The following SIGLEC14 variants were observed in gnomAD, a reference collection of about 807,000 sequenced individuals.
SIGLEC14 encodes the protein sialic acid binding Ig like lectin 14.
In SIGLEC14, 11 loss-of-function variants were observed where a neutral mutation model predicts 34.2. The ratio of observed to expected loss-of-function variants is 0.32; its 90% CI spans 0.20 to 0.53. The LOEUF is 0.53. Among genes scored for constraint, SIGLEC14 ranks in the 20% least tolerant of loss-of-function variants. The pLI is 0.95. For synonymous variants in SIGLEC14, 99 were observed against 179.7 expected, an observed-to-expected ratio of 0.55 and a Z score of 3.59; for missense variants, 264 against 439.0, an observed-to-expected ratio of 0.60 and a Z score of 3.56.
rs1184615510 is a variant in SIGLEC14, at chr19:51,643,083, C to T, written c.*272G>A. The stretch of plus-strand genomic sequence containing the variant: ...GTAATGGGTAATGGGGGTATAAGAC[C>T]GAAAGTACATTCCCTTCACAGGGCT... On this transcript the variant is annotated 3_prime_UTR_variant, in exon 7 of 7. Transcript: ENST00000360844. The T allele has an allele frequency of 1.6e-5, 6 of 366,440 alleles. No individual in the cohort carries two copies. The highest frequency in any genetic ancestry group is 2.8e-5 in the Non-Finnish European group (6 of 213,740). 22.7% of individuals were successfully genotyped at this position (366,440 alleles called of 1,614,324 possible). A position where few individuals can be genotyped will look rare whatever the true frequency, so the allele number is the denominator to read the frequency against.
In SIGLEC14 at chr19:51,640,975, C is replaced by CA. The variant is rs1024953690; in HGVS notation, c.*2379dup. ...GGGCAAAAAGAGCGAAACTCTGTCT[C>CA]AAAAAAAAATTTTTTTTAAGTTGAT... is the stretch of plus-strand genomic sequence containing the variant. On this transcript the variant is annotated 3_prime_UTR_variant, in exon 7 of 7. Transcript: ENST00000360844. Among the ~76,000 whole-genome samples the CA allele has an allele frequency of 3.6e-5, 5 of 137,482 alleles. 1 individual carries two copies. The highest frequency in any genetic ancestry group is 1.4e-4 in the African/African-American group (5 of 36,156). 90.2% of individuals were successfully genotyped at this position (137,482 alleles called of 152,430 possible). A position where few individuals can be genotyped will look rare whatever the true frequency, so the allele number is the denominator to read the frequency against.
chr19:51,643,963 A>T lies in SIGLEC14; in HGVS notation c.828T>A (p.Val276=). The T allele has an allele frequency of 6.5e-7, 1 of 1,533,554 alleles. No homozygotes were observed. Among genetic ancestry groups the T allele is most frequent in the Non-Finnish European group, 8.8e-7 (1 of 1,141,480 alleles). The allele number at this position is 1,533,554 out of a possible 1,614,324, so 95.0% of individuals were successfully genotyped here. The stretch of plus-strand genomic sequence containing the variant: ...TCAGTGAGGCAGGGGGGTTGCTGTC[A>T]ACTGTGCAGGCGAGGAACAGGGACT... ...EGQSLFLACT[V]DSNPPASLSW... The change falls in exon 5 of 7, where the codon GTT becomes GTA. Residue 276 remains valine, a synonymous_variant. Coordinates refer to ENST00000360844, the MANE Select transcript of SIGLEC14 (RefSeq NM_001098612.3).
Position 51,642,555 on chromosome 19 carries a change from A to G in SIGLEC14, c.*800T>C, listed in dbSNP as rs1568598134. The G allele has an allele frequency of 2.9e-5, 4 of 138,578 alleles. 1 individual carries two copies. The South Asian group carries it at 7.3e-4, about 25-fold the overall frequency. 8.6% of individuals were successfully genotyped at this position (138,578 alleles called of 1,614,324 possible). A position where few individuals can be genotyped will look rare whatever the true frequency, so the allele number is the denominator to read the frequency against. On this transcript the variant is annotated 3_prime_UTR_variant, in exon 7 of 7. Transcript: ENST00000360844. ...GTCTACAAACTCTCACAGAGGCATT[A>G]AAGAGTAAAATCAGTTATGTTGTAT...
rs1271421734 is a variant in SIGLEC14, at chr19:51,643,568, T to C, written c.1117A>G (p.Thr373Ala). 1.3e-6 allele frequency: 2 copies of C among 1,525,396 alleles called. No individual in the cohort carries two copies. Among genetic ancestry groups the C allele is most frequent in the Non-Finnish European group, 1.8e-6 (2 of 1,138,818 alleles). 94.5% of individuals were successfully genotyped at this position (1,525,396 alleles called of 1,614,324 possible). Residue 373 changes from threonine to alanine, a missense_variant, in exon 6 of 7, where the codon ACC (threonine) becomes GCC (alanine). Thr to Ala is a moderately conservative substitution (Grantham distance 58). Coordinates refer to ENST00000360844, the MANE Select transcript of SIGLEC14 (RefSeq NM_001098612.3). ...GALMGAGFLL[T>A]YGLTWIYYTR... ...TAGTAGATCCAGGTGAGGCCATAGG[T>C]GAGGAGGAAGCCAGCCCCCATGAGA...
At position 51,640,503 on chromosome 19, in the gene SIGLEC14, G is replaced by A. The variant is rs1983884552; in HGVS notation, c.*2852C>T. The stretch of plus-strand genomic sequence containing the variant: ...AGGGAAAAGGAACTCCAGCTTCTGA[G>A]TATAAATGCTTTCCATTTCAAATAT... On this transcript the variant is annotated 3_prime_UTR_variant, in exon 7 of 7. Transcript: ENST00000360844. Among the ~76,000 whole-genome samples, 1 of 139,208 alleles carries A rather than the reference G, an allele frequency of 7.2e-6. No homozygotes were observed. Among genetic ancestry groups the A allele is most frequent in the South Asian group, 2.4e-4 (1 of 4,138 alleles). The allele number at this position is 139,208 out of a possible 152,430, so 91.3% of individuals were successfully genotyped here. A position where few individuals can be genotyped will look rare whatever the true frequency, so the allele number is the denominator to read the frequency against.
chr19:51,643,488 G>GCCCCCCCCCCCCCCCC, intron 6 of SIGLEC14, 49 bp downstream of exon 6: 1 of 1,290,082 alleles, frequency 7.8e-7, no homozygotes, highest in Non-Finnish European at 1.0e-6. Flanking sequence ...GGACAGCTCA[G>GCCCCCCCCCCCCCCCC]CCCCACCTGG....
rs1221204531 is a variant in SIGLEC14 at position 51,640,999 on chromosome 19, A to G, written c.*2356T>C. ...TCAAAAAAAAATTTTTTTTAAGTTG[A>G]TTCTTTAAGAAGACATGAGAATTCT... On this transcript the variant is annotated 3_prime_UTR_variant, in exon 7 of 7. Coordinates refer to ENST00000360844, the MANE Select transcript of SIGLEC14 (RefSeq NM_001098612.3). Among the ~76,000 whole-genome samples the G allele has an allele frequency of 1.4e-5, 2 of 139,122 alleles. 1 individual carries two copies. The highest frequency in any genetic ancestry group is 1.4e-4 in the Admixed American group (2 of 14,436). The allele number at this position is 139,122 out of a possible 152,430, so 91.3% of individuals were successfully genotyped here.
rs1421991231 is a variant in SIGLEC14 at position 51,640,147 on chromosome 19, A to G, written c.*3208T>C. Among the ~76,000 whole-genome samples, 1 of 139,646 alleles carries G rather than the reference A, an allele frequency of 7.2e-6. No homozygotes were observed. The highest frequency in any genetic ancestry group is 1.5e-5 in the Non-Finnish European group (1 of 65,142). 91.6% of individuals were successfully genotyped at this position (139,646 alleles called of 152,430 possible). On this transcript the variant is annotated 3_prime_UTR_variant, in exon 7 of 7. Coordinates refer to ENST00000360844, the MANE Select transcript of SIGLEC14 (RefSeq NM_001098612.3). ...GTCGTGCTTTTATTATGAAGGAGTA[A>G]GCTCCTAGCAGAGTGAACTCACCAC...
Position 51,641,930 on chromosome 19 carries a change from T to C in SIGLEC14, c.*1425A>G, listed in dbSNP as rs1270080725. Among the ~76,000 whole-genome samples, 1 of 121,790 alleles carries C rather than the reference T, an allele frequency of 8.2e-6. No individual in the cohort carries two copies. The highest frequency in any genetic ancestry group is 1.6e-5 in the Non-Finnish European group (1 of 62,222). 79.9% of individuals were successfully genotyped at this position (121,790 alleles called of 152,430 possible). A position where few individuals can be genotyped will look rare whatever the true frequency, so the allele number is the denominator to read the frequency against. Reference sequence around the variant, plus strand: ...GTAACAAACCTGCACTTGTGCCCCCTGAACTTAAAAGTTAAAAAAAATCAT... The same window carrying C: ...GTAACAAACCTGCACTTGTGCCCCCCGAACTTAAAAGTTAAAAAAAATCAT... On this transcript the variant is annotated 3_prime_UTR_variant, in exon 7 of 7. Coordinates refer to ENST00000360844, the MANE Select transcript of SIGLEC14 (RefSeq NM_001098612.3).
At position 51,641,987 on chromosome 19, in the gene SIGLEC14, TA is replaced by T. The variant is rs398101261; in HGVS notation, c.*1367del. ...CATGTGTATTTATTAAAATGGAACT[TA>T]AAAAGAAAGTAGTAACAATTTGTTT... On this transcript the variant is annotated 3_prime_UTR_variant, in exon 7 of 7. Coordinates refer to ENST00000360844, the MANE Select transcript of SIGLEC14 (RefSeq NM_001098612.3). 2.9e-3 allele frequency among the ~76,000 whole-genome samples: 399 copies of T among 138,312 alleles called. 71 individuals carry two copies. Among genetic ancestry groups the T allele is most frequent in the African/African-American group, 0.01 (370 of 36,254 alleles). 90.7% of individuals were successfully genotyped at this position (138,312 alleles called of 152,430 possible).
At chr19:51,643,483 G>GGGGCCCCCCCCCCCC in intron 6 of SIGLEC14, 54 bp downstream of exon 6, 2 of 1,297,878 alleles carry the variant, frequency 1.5e-6, no homozygotes, top group Non-Finnish European at 2.0e-6. Context: ...GGGCAGGACA[G>GGGGCCCCCCCCCCCC]CTCAGCCCCA....
chr19:51,641,884 C>A lies in SIGLEC14; in HGVS notation c.*1471G>T, dbSNP rs894079660. Among the ~76,000 whole-genome samples the A allele has an allele frequency of 1.4e-4, 19 of 138,730 alleles. 6 individuals carry two copies. The highest frequency in any genetic ancestry group is 5.2e-4 in the African/African-American group (19 of 36,396). The allele number at this position is 138,730 out of a possible 152,430, so 91.0% of individuals were successfully genotyped here. On this transcript the variant is annotated 3_prime_UTR_variant, in exon 7 of 7. Transcript: ENST00000360844. ...GTGATGCAATAATCTGTACAACAAA[C>A]TCCCATGACACTTTACCTATGTAAC...
intron 4 of SIGLEC14, among the ~76,000 whole-genome samples, chr19:51,645,147 C>G (rs1312453030): frequency 7.2e-6 from 1 of 139,208 alleles, no homozygotes; most frequent in Non-Finnish European, 1.5e-5. Flanking sequence ...ATAAAAGGAG[C>G]TCTGCAGTTT....
intron 6 of SIGLEC14, 50 bp downstream of exon 6, chr19:51,643,487 A>ACCCCCCCCCC: frequency 3.1e-6 from 4 of 1,299,162 alleles, no homozygotes; most frequent in East Asian, 5.4e-5. Flanking sequence ...AGGACAGCTC[A>ACCCCCCCCCC]GCCCCACCTG....
At chr19:51,645,553 C>T in intron 3 of SIGLEC14, 23 bp from the exon 4 acceptor site, 1 of 1,527,622 alleles carries the variant, frequency 6.5e-7, no homozygotes, top group Non-Finnish European at 8.8e-7. Flanking sequence ...GATACAGCAC[C>T]AGCTTCAGAG....
chr19:51,643,479 G>GGCCCCCCCC, intron 6 of SIGLEC14, 58 bp downstream of exon 6: 1 of 1,296,396 alleles, frequency 7.7e-7, no homozygotes, highest in Non-Finnish European at 1.0e-6. Context: ...CCTGGGGCAG[G>GGCCCCCCCC]ACAGCTCAGC....
Position 51,644,008 on chromosome 19 carries a change from C to A in SIGLEC14, c.783G>T (p.Ser261=). The change falls in exon 5 of 7, where the codon TCG becomes TCT. Residue 261 remains serine (S), a synonymous_variant. Coordinates refer to ENST00000360844, the MANE Select transcript of SIGLEC14 (RefSeq NM_001098612.3). ...TALRILSNGM[S]VPIQEGQSLF... Reference sequence around the variant, plus strand: ...GGGACTGGCCCTCCTGGATGGGCACCGACATGCCATTGCTCAGGATCCGCA... The same window carrying A: ...GGGACTGGCCCTCCTGGATGGGCACAGACATGCCATTGCTCAGGATCCGCA... 3 of 1,523,910 alleles carry A rather than the reference C, an allele frequency of 2.0e-6. 1 individual carries two copies. Among genetic ancestry groups the A allele is most frequent in the Admixed American group, 1.8e-5 (1 of 57,058 alleles). The allele number at this position is 1,523,910 out of a possible 1,614,324, so 94.4% of individuals were successfully genotyped here.
At position 51,643,566 on chromosome 19, in the gene SIGLEC14, G is replaced by C; in HGVS notation, c.1119C>G (p.Thr373=). Residue 373 remains threonine, a synonymous_variant, in exon 6 of 7, where the codon ACC becomes ACG. Coordinates refer to ENST00000360844, the MANE Select transcript of SIGLEC14 (RefSeq NM_001098612.3). ...GALMGAGFLL[T]YGLTWIYYTR... Reference sequence around the variant, plus strand: ...TATAGTAGATCCAGGTGAGGCCATAGGTGAGGAGGAAGCCAGCCCCCATGA... The same window carrying C: ...TATAGTAGATCCAGGTGAGGCCATACGTGAGGAGGAAGCCAGCCCCCATGA... 1 of 1,528,382 alleles carries C rather than the reference G, an allele frequency of 6.5e-7. No individual in the cohort carries two copies. 94.7% of individuals were successfully genotyped at this position (1,528,382 alleles called of 1,614,324 possible). A position where few individuals can be genotyped will look rare whatever the true frequency, so the allele number is the denominator to read the frequency against.
In SIGLEC14 at chr19:51,643,858, A is replaced by G; in HGVS notation, c.933T>C (p.Ala311=). Residue 311 remains alanine, a synonymous_variant, in exon 5 of 7, where the codon GCT becomes GCC. Transcript: ENST00000360844. The part of the protein sequence containing the change: ...SGTLELPNIG[A]REGGEFTCRV... ...GGCAGGTGAATTCCCCTCCCTCTCT[A>G]GCTCCTATGTTAGGCAGCTCCAGGG... The G allele has an allele frequency of 3.9e-6, 6 of 1,532,854 alleles. No homozygotes were observed. The highest frequency in any genetic ancestry group is 5.3e-6 in the Non-Finnish European group (6 of 1,140,884). 95.0% of individuals were successfully genotyped at this position (1,532,854 alleles called of 1,614,324 possible).
Sources: gnomAD v4.1 joint callset for allele counts (sites outside exome capture counted in the v4.1 genomes callset) on GRCh38, gnomAD v4.1.1 for gene constraint, MANE v1.5 for transcripts, NCBI Gene and HGNC (gene_info 2026-07-23, HGNC 2026-07-21) for gene names.